Variants in EPHB1 observed in about 807,000 individuals in gnomAD.
EPHB1 encodes ephrin type-B receptor 1.
In EPHB1, 30 loss-of-function variants were observed where a neutral mutation model predicts 94.4. That is an observed-to-expected ratio of 0.32 (90% CI 0.24 to 0.43). The LOEUF is 0.43. EPHB1 is among the 20% of genes least tolerant of loss of function. EPHB1 has a pLI of 1.00. For missense variants in EPHB1, 1,055 were observed against 1,308.3 expected (o/e 0.81, Z 2.99); for synonymous variants, 522 against 489.1 (o/e 1.07, Z -0.89).
chr3:135,098,703 C>T (rs1198427742), intron 3 of EPHB1, among the ~76,000 whole-genome samples: 1 of 151,924 alleles, frequency 6.6e-6, no homozygotes, highest in Non-Finnish European at 1.5e-5. Flanking sequence ...AATAACTCTC[C>T]CAGGAAATGA....
chr3:135,078,970 T>C (rs1938051889), intron 3 of EPHB1, among the ~76,000 whole-genome samples: 2 of 151,836 alleles, frequency 1.3e-5, no homozygotes, highest in South Asian at 4.2e-4. Flanking sequence ...GGGATAAGAG[T>C]TCTTGTGAGC....
intron 11 of EPHB1, among the ~76,000 whole-genome samples, chr3:135,195,494 C>T (rs1226710344): frequency 1.3e-5 from 2 of 151,154 alleles, no homozygotes; most frequent in East Asian, 3.9e-4. Context: ...ATCTCCCCAC[C>T]CCACCACAGT....
chr3:134,837,751 A>G (rs531122646), intron 1 of EPHB1, among the ~76,000 whole-genome samples: 37 of 152,244 alleles, frequency 2.4e-4, no homozygotes, highest in African/African-American at 5.3e-4. Flanking sequence ...ACATCAGCCA[A>G]TATGAGAGAG....
At chr3:135,241,017 A>C (rs1943769253) in intron 12 of EPHB1, 131 bp from the exon 13 acceptor site, 6 of 1,107,448 alleles carry the variant, frequency 5.4e-6, no homozygotes, top group Non-Finnish European at 4.0e-6. Context: ...CGAAGCAAGA[A>C]TAGCCTGTCT....
intron 3 of EPHB1, among the ~76,000 whole-genome samples, chr3:135,031,212 T>C (rs923057545): frequency 1.3e-5 from 2 of 152,230 alleles, no homozygotes; most frequent in African/African-American, 2.4e-5. Flanking sequence ...AGCTGTAGAC[T>C]GGAGCTGTTC....
chr3:135,225,335 G>A lies in EPHB1; in HGVS notation c.2347-15813G>A, dbSNP rs1256937544. Among the ~76,000 whole-genome samples, 4 of 152,168 alleles carry A rather than the reference G, an allele frequency of 2.6e-5. No homozygotes were observed. The East Asian group carries it at 7.7e-4, about 29-fold the overall frequency. The stretch of plus-strand genomic sequence containing the variant: ...AGGGTCAACAAGGCCCGATGGGAAG[G>A]CTTTTGCTTGCCACTGACAGATGTC... On this transcript the variant is annotated intron_variant, in intron 12 of 15. Coordinates refer to ENST00000398015, the MANE Select transcript of EPHB1 (RefSeq NM_004441.5).
At chr3:135,209,992 C>T (rs1942995569) in intron 12 of EPHB1, among the ~76,000 whole-genome samples, 1 of 152,090 alleles carries the variant, frequency 6.6e-6, no homozygotes, top group African/African-American at 2.4e-5. Flanking sequence ...GAGGATGACT[C>T]CAAGTATCCA....
intron 4 of EPHB1, among the ~76,000 whole-genome samples, chr3:135,115,998 G>A (rs949199834): frequency 2.6e-5 from 4 of 152,090 alleles, no homozygotes; most frequent in Admixed American, 6.5e-5. Flanking sequence ...GGTGGATCAC[G>A]AGGTCAAGAG....
At chr3:135,015,887 A>C (rs1013686326) in intron 3 of EPHB1, among the ~76,000 whole-genome samples, 4 of 152,188 alleles carry the variant, frequency 2.6e-5, no homozygotes, top group Non-Finnish European at 5.9e-5. Flanking sequence ...TACCAGGAAG[A>C]GGACCCAGAC....
chr3:135,253,059 GGTT>G (rs1175289411), intron 15 of EPHB1, among the ~76,000 whole-genome samples: 2 of 149,592 alleles, frequency 1.3e-5, no homozygotes, highest in Non-Finnish European at 3.0e-5. Context: ...TTTTTGATGG[GGTT>G]GTTTTTTTCT....
rs148584006 is a variant in EPHB1, at chr3:134,854,781, TTA to T, written c.58+59094_58+59095del. The stretch of plus-strand genomic sequence containing the variant: ...TTTTAGCCTCATCATGGGCTTCAAT[TTA>T]TGTCTTTACGCTTGGTTTGGCTTTC... On this transcript the variant is annotated intron_variant, in intron 1 of 15. Transcript: ENST00000398015. Among the ~76,000 whole-genome samples the T allele has an allele frequency of 5.1e-3, 783 of 152,330 alleles. 2 individuals carry two copies. The highest frequency in any genetic ancestry group is 8.3e-3 in the Non-Finnish European group (562 of 68,026).
At chr3:134,900,217 A>G (rs138234667) in intron 1 of EPHB1, among the ~76,000 whole-genome samples, 14 of 152,274 alleles carry the variant, frequency 9.2e-5, no homozygotes, top group African/African-American at 3.4e-4. Context: ...ACTGTCATGG[A>G]GATTGTTCTG....
intron 3 of EPHB1, among the ~76,000 whole-genome samples, chr3:135,099,262 A>T (rs184762195): frequency 2.6e-5 from 4 of 152,322 alleles, no homozygotes; most frequent in Admixed American, 2.0e-4. Context: ...GGCAACACCT[A>T]TTATCCATCT....
At chr3:135,120,942 C>G (rs527516265) in intron 4 of EPHB1, among the ~76,000 whole-genome samples, 1 of 152,208 alleles carries the variant, frequency 6.6e-6, no homozygotes, top group Non-Finnish European at 1.5e-5. Context: ...GCATCCCCAT[C>G]TCTCAGGAAT....
chr3:135,039,555 A>G (rs1397096288), intron 3 of EPHB1, among the ~76,000 whole-genome samples: 1 of 152,238 alleles, frequency 6.6e-6, no homozygotes, highest in African/African-American at 2.4e-5. Context: ...GGTGGGCTGC[A>G]GGTCCCGAGC....
At chr3:135,037,484 C>T (rs1936683932) in intron 3 of EPHB1, among the ~76,000 whole-genome samples, 1 of 152,198 alleles carries the variant, frequency 6.6e-6, no homozygotes, top group South Asian at 2.1e-4. Context: ...TAGCTCCCAA[C>T]ATAAAACCGT....
intron 8 of EPHB1, among the ~76,000 whole-genome samples, chr3:135,166,552 G>A (rs567118857): frequency 2.6e-5 from 4 of 152,318 alleles, no homozygotes; most frequent in African/African-American, 9.6e-5. Flanking sequence ...TAATACTGCT[G>A]CTACTGCCTT....
intron 12 of EPHB1, among the ~76,000 whole-genome samples, chr3:135,233,102 G>A (rs901856517): frequency 1.3e-5 from 2 of 152,120 alleles, no homozygotes; most frequent in African/African-American, 4.8e-5. Flanking sequence ...TCAAAACATA[G>A]TCATGCCATT....
chr3:135,241,206 C>G lies in EPHB1; in HGVS notation c.2405C>G (p.Thr802Ser). 6.2e-7 allele frequency: 1 copy of G among 1,614,238 alleles called. No homozygotes were observed. The highest frequency in any genetic ancestry group is 8.5e-7 in the Non-Finnish European group (1 of 1,180,056). The change falls in exon 13 of 16, where the codon ACT (threonine) becomes AGT (serine). Residue 802 changes from threonine to serine, a missense_variant. Thr to Ser is a moderately conservative substitution (Grantham distance 58). Transcript: ENST00000398015. ...APEAIAYRKF[T>S]SASDVWSYGI... The stretch of plus-strand genomic sequence containing the variant: ...GAGGCCATCGCCTACCGCAAGTTCA[C>G]TTCAGCCAGCGACGTTTGGAGCTAT...
Sources: allele counts gnomAD v4.1 joint callset (sites outside exome capture counted in the v4.1 genomes callset), GRCh38; gene constraint gnomAD v4.1.1; transcripts MANE v1.5; gene names NCBI Gene and HGNC (gene_info 2026-07-23, HGNC 2026-07-21).